Variants in CRMP1 observed in about 807,000 individuals in gnomAD.
CRMP1 encodes collapsin response mediator protein 1.
CRMP1 carries 19 observed loss-of-function variants against 68.3 expected under a neutral mutation model. That is an observed-to-expected ratio of 0.28 (90% CI 0.19 to 0.41). The LOEUF (loss-of-function observed/expected upper bound fraction) is 0.41, where lower values mean the gene tolerates loss of function less well. Among genes scored for constraint, CRMP1 ranks in the 10% least tolerant of loss-of-function variants. The pLI, the probability that CRMP1 is intolerant of heterozygous loss-of-function variation, is 1.00. For missense variants in CRMP1, 791 were observed against 967.4 expected, an observed-to-expected ratio of 0.82 and a Z score of 2.42; for synonymous variants, 439 against 399.6, an observed-to-expected ratio of 1.10 and a Z score of -1.18.
In CRMP1 at chr4:5,892,750, C is replaced by G. The variant is rs980190267; in HGVS notation, c.220G>C (p.Gly74Arg). 9 of 1,227,322 alleles carry G rather than the reference C, an allele frequency of 7.3e-6. No individual in the cohort carries two copies. The highest frequency in any genetic ancestry group is 9.1e-6 in the Non-Finnish European group (9 of 986,596). The allele number at this position is 1,227,322 out of a possible 1,614,324, so 76.0% of individuals were successfully genotyped here. A position where few individuals can be genotyped will look rare whatever the true frequency, so the allele number is the denominator to read the frequency against. Residue 74 changes from glycine to arginine, a missense_variant, in exon 1 of 14, where the codon GGG (glycine) becomes CGG (arginine). Coordinates refer to ENST00000324989, the MANE Select transcript of CRMP1 (RefSeq NM_001014809.3). The surrounding 1 kb of genome is among the most constrained non-coding windows in gnomAD (Gnocchi z 8.6). ...PRSAGRPDAV[G>R]LPGPGGSEDT... ...TCGCTGCCTCCCGGCCCTGGCAGCC[C>G]GACCGCGTCGGGCCGGCCAGCGCTG...
chr4:5,882,427 T>C (rs1465591581), intron 1 of CRMP1, among the ~76,000 whole-genome samples: 1 of 152,214 alleles, frequency 6.6e-6, no homozygotes, highest in African/African-American at 2.4e-5. Flanking sequence ...TGTTGACACC[T>C]TGGGGTTGTA....
chr4:5,837,953 G>T (rs1720840647), intron 9 of CRMP1, among the ~76,000 whole-genome samples: 1 of 152,174 alleles, frequency 6.6e-6, no homozygotes, highest in African/African-American at 2.4e-5. Context: ...CTGAGGGATG[G>T]GGGAGACTGG....
intron 11 of CRMP1, among the ~76,000 whole-genome samples, chr4:5,833,532 G>A (rs936378387): frequency 8.5e-5 from 12 of 141,598 alleles, no homozygotes; most frequent in Admixed American, 1.3e-4. Context: ...TTATAACAGC[G>A]TCCAGAGGAA....
At chr4:5,836,621 T>C in intron 10 of CRMP1, 144 bp downstream of exon 10, 1 of 1,163,890 alleles carries the variant, frequency 8.6e-7, no homozygotes, top group Non-Finnish European at 1.2e-6. Flanking sequence ...AAGTTATGCG[T>C]TCCCTCCTGC....
At position 5,867,907 on chromosome 4, in the gene CRMP1, A is replaced by AACAC. The variant is rs141328248; in HGVS notation, c.382-1155_382-1152dup. Among the ~76,000 whole-genome samples, 377 of 150,096 alleles carry AACAC rather than the reference A, an allele frequency of 2.5e-3. 3 individuals carry two copies. Among genetic ancestry groups the AACAC allele is most frequent in the African/African-American group, 8.3e-3 (341 of 40,960 alleles). ...GTCATTAGAGGAAGGTGGATAGATA[A>AACAC]ACACACACACACACACACACAGGAT... On this transcript the variant is annotated intron_variant, in intron 1 of 13. Transcript: ENST00000324989.
At chr4:5,885,654 CT>C (rs997358453) in intron 1 of CRMP1, among the ~76,000 whole-genome samples, 10 of 152,186 alleles carry the variant, frequency 6.6e-5, no homozygotes, top group Admixed American at 3.3e-4. Flanking sequence ...TCTGTCTCCC[CT>C]AGGACAAGGC....
At chr4:5,839,782 G>A (rs1446631587) in intron 8 of CRMP1, 104 bp from the exon 9 acceptor site, 2 of 1,319,400 alleles carry the variant, frequency 1.5e-6, no homozygotes, top group Admixed American at 2.5e-5. Context: ...GGGGCTGGCT[G>A]AAGGCCAGAA....
chr4:5,832,454 G>A (rs567339590), intron 11 of CRMP1, among the ~76,000 whole-genome samples: 64 of 152,314 alleles, frequency 4.2e-4, no homozygotes, highest in African/African-American at 1.4e-3. Context: ...GTGTTTTATA[G>A]AAAAGTAGAT....
chr4:5,838,924 G>A lies in CRMP1; in HGVS notation c.1310+598C>T, dbSNP rs1720904159. Among the ~76,000 whole-genome samples, 2 of 152,156 alleles carry A rather than the reference G, an allele frequency of 1.3e-5. No homozygotes were observed. Among genetic ancestry groups the A allele is most frequent in the South Asian group, 4.1e-4 (2 of 4,830 alleles). On this transcript the variant is annotated intron_variant, in intron 9 of 13. Coordinates refer to ENST00000324989, the MANE Select transcript of CRMP1 (RefSeq NM_001014809.3). This position sits in a 1 kb window ranked among gnomAD's most constrained non-coding sequence, Gnocchi z 4.9. ...GAGCATGCGTCTCTGCTTCCAGAGC[G>A]GCCTGGACACTTAGCCTCGCTGTGT...
chr4:5,846,802 G>C (rs949138546), intron 6 of CRMP1, among the ~76,000 whole-genome samples: 2 of 119,250 alleles, frequency 1.7e-5, no homozygotes, highest in African/African-American at 3.4e-5. Context: ...TTTAGTAGAG[G>C]CAGTGTTTCG....
At chr4:5,847,405 G>A (rs545008299) in intron 6 of CRMP1, among the ~76,000 whole-genome samples, 1 of 152,240 alleles carries the variant, frequency 6.6e-6, no homozygotes, top group East Asian at 1.9e-4. Flanking sequence ...CAATCATGGG[G>A]GCCAGAAGAC....
Position 5,842,960 on chromosome 4 carries a change from G to C in CRMP1, c.1032+133C>G, listed in dbSNP as rs936134365. 1 of 808,668 alleles carries C rather than the reference G, an allele frequency of 1.2e-6. No homozygotes were observed. The highest frequency in any genetic ancestry group is 1.7e-5 in the African/African-American group (1 of 58,360). 50.1% of individuals were successfully genotyped at this position (808,668 alleles called of 1,614,324 possible). ...TCCCCAGGGTTCCCGGGGAAAACAA[G>C]ATGGTTTGGGATGGTCTGGGAGAGG... On this transcript the variant is annotated intron_variant, in intron 7 of 13. Coordinates refer to ENST00000324989, the MANE Select transcript of CRMP1 (RefSeq NM_001014809.3). The surrounding 1 kb of genome is among the most constrained non-coding windows in gnomAD (Gnocchi z 4.5).
Position 5,849,482 on chromosome 4 carries a change from G to T in CRMP1, c.883-10C>A. 6.3e-7 allele frequency: 1 copy of T among 1,577,572 alleles called. No individual in the cohort carries two copies. Among genetic ancestry groups the T allele is most frequent in the Non-Finnish European group, 8.7e-7 (1 of 1,153,774 alleles). ...TAAAGGCTTCATAGAGCTATGGAGA[G>T]ATAAACAGGGGTTGGTGTGAGATTT... On this transcript the variant is annotated splice_polypyrimidine_tract_variant and intron_variant, in intron 5 of 13. Transcript: ENST00000324989.
Position 5,870,422 on chromosome 4 carries a change from G to A in CRMP1, c.382-3666C>T, listed in dbSNP as rs111534563. Among the ~76,000 whole-genome samples the A allele has an allele frequency of 1.3e-5, 2 of 152,252 alleles. No individual in the cohort carries two copies. Among genetic ancestry groups the A allele is most frequent in the Non-Finnish European group, 2.9e-5 (2 of 68,048 alleles). ...TGCAGGACACAACTCCCCAGGGGAC[G>A]CATGACACAGGCGTTGGTGGGGACG... On this transcript the variant is annotated intron_variant, in intron 1 of 13. Coordinates refer to ENST00000324989, the MANE Select transcript of CRMP1 (RefSeq NM_001014809.3). The surrounding 1 kb of genome is among the most constrained non-coding windows in gnomAD (Gnocchi z 6.0).
At chr4:5,873,989 T>G (rs1164663024) in intron 1 of CRMP1, among the ~76,000 whole-genome samples, 1 of 151,710 alleles carries the variant, frequency 6.6e-6, no homozygotes, top group Non-Finnish European at 1.5e-5. Flanking sequence ...GAGCGCTGGG[T>G]GGAAATGGAA....
At chr4:5,884,479 C>T (rs1483549678) in intron 1 of CRMP1, among the ~76,000 whole-genome samples, 1 of 124,504 alleles carries the variant, frequency 8.0e-6, no homozygotes, top group African/African-American at 2.7e-5. Context: ...CACAACTATG[C>T]ATGCACACAC....
At chr4:5,867,639 C>A (rs1375900882) in intron 1 of CRMP1, among the ~76,000 whole-genome samples, 2 of 152,044 alleles carry the variant, frequency 1.3e-5, no homozygotes, top group African/African-American at 4.8e-5. Flanking sequence ...AGGCACAGAG[C>A]TGGAATCTGC....
In CRMP1 at chr4:5,822,953, G is replaced by A. The variant is rs538696158; in HGVS notation, c.1970-1102C>T. Among the ~76,000 whole-genome samples the A allele has an allele frequency of 3.9e-5, 6 of 152,258 alleles. 1 individual carries two copies. The highest frequency in any genetic ancestry group is 2.1e-4 in the South Asian group (1 of 4,812). ...AGCAAGCCTTTGTTTCCTTGCAGTC[G>A]GCTCCTTTCTTGCTGACCTACCCAC... is the stretch of plus-strand genomic sequence containing the variant. On this transcript the variant is annotated intron_variant, in intron 13 of 13. Transcript: ENST00000324989.
At position 5,888,066 on chromosome 4, in the gene CRMP1, G is replaced by A. The variant is rs1715726119; in HGVS notation, c.381+4523C>T. The stretch of plus-strand genomic sequence containing the variant: ...CACCCCCATTGTCCCCAGAGGCTGG[G>A]GGAGGGGGCTGAAATCCCGAGACCG... On this transcript the variant is annotated intron_variant, in intron 1 of 13. Coordinates refer to ENST00000324989, the MANE Select transcript of CRMP1 (RefSeq NM_001014809.3). This position sits in a 1 kb window ranked among gnomAD's most constrained non-coding sequence, Gnocchi z 6.4. Among the ~76,000 whole-genome samples, 1 of 151,874 alleles carries A rather than the reference G, an allele frequency of 6.6e-6. No homozygotes were observed. Among genetic ancestry groups the A allele is most frequent in the Admixed American group, 6.5e-5 (1 of 15,272 alleles).
Sources: allele counts gnomAD v4.1 joint callset (sites outside exome capture counted in the v4.1 genomes callset), GRCh38; gene constraint gnomAD v4.1.1; non-coding constraint Gnocchi (gnomAD v3.1); transcripts MANE v1.5; gene names NCBI Gene and HGNC (gene_info 2026-07-23, HGNC 2026-07-21).